The following XRRA1 variants were observed in gnomAD, a reference collection of about 807,000 sequenced individuals.
The protein encoded by XRRA1 is X-ray radiation resistance associated 1.
XRRA1 carries 69 observed loss-of-function variants against 80.2 expected under a neutral mutation model. The ratio of observed to expected loss-of-function variants is 0.86; its 90% CI spans 0.71 to 1.05. The LOEUF (loss-of-function observed/expected upper bound fraction) is 1.05, where lower values mean the gene tolerates loss of function less well. XRRA1 is among the 50% of genes least tolerant of loss of function. XRRA1 has a pLI of 0.00. For missense variants in XRRA1, 967 were observed against 976.4 expected (o/e 0.99, Z 0.13); for synonymous variants, 348 against 389.9 (o/e 0.89, Z 1.27).
chr11:74,893,177 C>G (rs867677275), intron 10 of XRRA1, among the ~76,000 whole-genome samples: 1 of 152,114 alleles, frequency 6.6e-6, no homozygotes, highest in Non-Finnish European at 1.5e-5. Flanking sequence ...CAATGACAGA[C>G]TGGATTAAGA....
Position 74,937,065 on chromosome 11 carries a change from T to C in XRRA1, c.98A>G (p.Gln33Arg). 1 of 1,612,100 alleles carries C rather than the reference T, an allele frequency of 6.2e-7. No individual in the cohort carries two copies. The highest frequency in any genetic ancestry group is 8.5e-7 in the Non-Finnish European group (1 of 1,179,008). The part of the protein sequence containing the change: ...RNLLRVPEEG[Q>R]GHWLVVQKGN... ...TTTCTGAACCACTAACCAGTGTCCT[T>C]GGCCTGTTGAGAAAATTAGAACAGT... Residue 33 changes from glutamine to arginine, a missense_variant, in exon 4 of 19, where the codon CAA becomes CGA. By Grantham distance (43) the Gln-to-Arg change is conservative (BLOSUM62 1). Coordinates refer to ENST00000684022, the MANE Select transcript of XRRA1 (RefSeq NM_001378157.1).
chr11:74,850,151 G>C (rs957604394), intron 14 of XRRA1, among the ~76,000 whole-genome samples: 14 of 152,158 alleles, frequency 9.2e-5, no homozygotes, highest in African/African-American at 3.4e-4. Flanking sequence ...GGTCCCCTAG[G>C]ACCCACACTA....
chr11:74,851,076 T>C lies in XRRA1; in HGVS notation c.1380+12A>G. On this transcript the variant is annotated intron_variant, in intron 14 of 18. Transcript: ENST00000684022. The stretch of plus-strand genomic sequence containing the variant: ...CTTCCTGGGGGTGGGAGTCCTGCCT[T>C]GGAAGCCCTACCTTCCATGATTCCT... 6.2e-7 allele frequency: 1 copy of C among 1,602,886 alleles called. No individual in the cohort carries two copies. The highest frequency in any genetic ancestry group is 8.5e-7 in the Non-Finnish European group (1 of 1,173,628).
At chr11:74,864,115 GTTTA>G (rs1378486594) in intron 10 of XRRA1, 1 of 152,054 alleles carries the variant, frequency 6.6e-6, no homozygotes, top group Admixed American at 6.5e-5. Context: ...AATAAAAACA[GTTTA>G]TTTAACAAAA....
At chr11:74,883,173 C>G (rs1021780547) in intron 10 of XRRA1, among the ~76,000 whole-genome samples, 1 of 150,824 alleles carries the variant, frequency 6.6e-6, no homozygotes, top group Non-Finnish European at 1.5e-5. Flanking sequence ...ACTCCGTGGG[C>G]GTAGGACCCT....
At chr11:74,885,707 T>C (rs1162561433) in intron 10 of XRRA1, among the ~76,000 whole-genome samples, 2 of 152,202 alleles carry the variant, frequency 1.3e-5, no homozygotes, top group African/African-American at 4.8e-5. Context: ...CCCTAACTCA[T>C]TCTTTGAGGC....
chr11:74,843,374 C>G lies in XRRA1; in HGVS notation c.2229G>C (p.Glu743Asp), dbSNP rs2036928183. The G allele has an allele frequency of 6.2e-7, 1 of 1,612,328 alleles. No homozygotes were observed. Among genetic ancestry groups the G allele is most frequent in the East Asian group, 2.2e-5 (1 of 44,796 alleles). Reference sequence around the variant, plus strand: ...CCAGCTGCCGGTAACGTGCCTGGAACTCCTTCAACAGCCTCTTGGCCTCCA... The same window carrying G: ...CCAGCTGCCGGTAACGTGCCTGGAAGTCCTTCAACAGCCTCTTGGCCTCCA... ...QYLEAKRLLK[E>D]FQARYRQLVS... The change falls in exon 19 of 19, where the codon GAG becomes GAC. Residue 743 changes from glutamate to aspartate, a missense_variant. Glu to Asp is a conservative substitution (Grantham distance 45). Transcript: ENST00000684022.
chr11:74,919,321 C>T (rs1390075541), intron 8 of XRRA1, among the ~76,000 whole-genome samples: 1 of 152,164 alleles, frequency 6.6e-6, no homozygotes, highest in Non-Finnish European at 1.5e-5. Flanking sequence ...TTGGCCATGA[C>T]TTGATAATTG....
rs1039109196 is a variant in XRRA1, at chr11:74,843,256, G to C, written c.2347C>G (p.Leu783Val). The change falls in exon 19 of 19, where the codon CTC becomes GTC. Residue 783 changes from leucine to valine, a missense_variant. By Grantham distance (32) the Leu-to-Val change is conservative. Transcript: ENST00000684022. ...TGGCAGAACTCATCCATGAACTCGAGGAAGTGGCCGAACTTGGGCTGGCTC... is the reference window on the plus strand; with the variant it reads ...TGGCAGAACTCATCCATGAACTCGACGAAGTGGCCGAACTTGGGCTGGCTC... ...SESQPKFGHF[L>V]EFMDEFCQEP... The C allele has an allele frequency of 1.9e-6, 3 of 1,571,160 alleles. No individual in the cohort carries two copies. Among genetic ancestry groups the C allele is most frequent in the African/African-American group, 1.4e-5 (1 of 73,946 alleles).
At position 74,920,949 on chromosome 11, in the gene XRRA1, T is replaced by A. The variant is rs116175051; in HGVS notation, c.656+265A>T. Among the ~76,000 whole-genome samples the A allele has an allele frequency of 2.7e-3, 418 of 152,234 alleles. 4 individuals are homozygous for A. The highest frequency in any genetic ancestry group is 7.6e-3 in the African/African-American group (315 of 41,522). Reference sequence around the variant, plus strand: ...TTACTGAGCTGACACAGGGGGCTCATGAAGGAGAATTGTCTGGCAAGACAG... The same window carrying A: ...TTACTGAGCTGACACAGGGGGCTCAAGAAGGAGAATTGTCTGGCAAGACAG... On this transcript the variant is annotated intron_variant, in intron 8 of 18. Transcript: ENST00000684022.
chr11:74,924,972 T>TG (rs1941884198), intron 7 of XRRA1, among the ~76,000 whole-genome samples: 1 of 152,258 alleles, frequency 6.6e-6, no homozygotes, highest in Non-Finnish European at 1.5e-5. Flanking sequence ...TATGACCATA[T>TG]GAACCACAAA....
intron 2 of XRRA1, among the ~76,000 whole-genome samples, chr11:74,942,278 A>G (rs1946484996): frequency 6.6e-6 from 1 of 152,180 alleles, no homozygotes. Context: ...AAAATAGGCC[A>G]TGAGCAAGTA....
At chr11:74,859,424 A>T in intron 11 of XRRA1, 141 bp from the exon 12 acceptor site, 1 of 927,180 alleles carries the variant, frequency 1.1e-6, no homozygotes, top group Non-Finnish European at 1.6e-6. Context: ...GTAGGGTCAT[A>T]AGGGTAGATG....
At chr11:74,907,017 C>T (rs1318282808) in intron 9 of XRRA1, 128 bp downstream of exon 9, 9 of 1,308,184 alleles carry the variant, frequency 6.9e-6, no homozygotes, top group Non-Finnish European at 9.5e-6. Context: ...TACCCATGGC[C>T]ACACAGTAGA....
intron 15 of XRRA1, chr11:74,846,115 G>C (rs1035158233): frequency 2.0e-5 from 3 of 152,188 alleles, no homozygotes; most frequent in Admixed American, 6.5e-5. Flanking sequence ...AGAAAATGGA[G>C]CAGGTCAAAA....
At chr11:74,931,607 G>A (rs1219841107) in intron 5 of XRRA1, among the ~76,000 whole-genome samples, 2 of 152,200 alleles carry the variant, frequency 1.3e-5, no homozygotes, top group Non-Finnish European at 2.9e-5. Context: ...TTACAGGCAT[G>A]AGCCACCACG....
At chr11:74,944,660 C>G (rs1396879436) in intron 2 of XRRA1, among the ~76,000 whole-genome samples, 1 of 152,160 alleles carries the variant, frequency 6.6e-6, no homozygotes, top group African/African-American at 2.4e-5. Flanking sequence ...TGTTTGCTCC[C>G]CTCATCAACT....
chr11:74,924,346 C>T (rs1323130932), intron 7 of XRRA1, among the ~76,000 whole-genome samples: 1 of 151,402 alleles, frequency 6.6e-6, no homozygotes, highest in African/African-American at 2.4e-5. Context: ...TGGTGGCATG[C>T]ACCTGTAGCC....
At chr11:74,942,985 G>A (rs1946645361) in intron 2 of XRRA1, among the ~76,000 whole-genome samples, 1 of 152,240 alleles carries the variant, frequency 6.6e-6, no homozygotes, top group Non-Finnish European at 1.5e-5. Context: ...ATCCAGGGGA[G>A]GGGTTCCCTC....
Sources: gnomAD v4.1 joint callset for allele counts (sites outside exome capture counted in the v4.1 genomes callset) on GRCh38, gnomAD v4.1.1 for gene constraint, MANE v1.5 for transcripts, NCBI Gene and HGNC (gene_info 2026-07-23, HGNC 2026-07-21) for gene names.